Variants in RPS6KA1 observed in about 807,000 individuals in gnomAD.
The protein encoded by RPS6KA1 is ribosomal protein S6 kinase alpha-1.
Under a neutral mutation model 91.3 loss-of-function variants are expected in RPS6KA1, and 48 were observed. That is an observed-to-expected ratio of 0.53 (90% CI 0.42 to 0.67). RPS6KA1 has a LOEUF of 0.67. Among genes scored for constraint, RPS6KA1 ranks in the 30% least tolerant of loss-of-function variants. The pLI, the probability that RPS6KA1 is intolerant of heterozygous loss-of-function variation, is 0.00. For missense variants in RPS6KA1, 719 were observed against 960.5 expected, an observed-to-expected ratio of 0.75 and a Z score of 3.32; for synonymous variants, 359 against 384.7, an observed-to-expected ratio of 0.93 and a Z score of 0.78.
chr1:26,530,793 C>T (rs1446801243), intron 1 of RPS6KA1: 1 of 1,288,712 alleles, frequency 7.8e-7, no homozygotes, highest in East Asian at 5.6e-5. Flanking sequence ...AGTCCCTAAG[C>T]GTGCAGAAGG....
Position 26,571,827 on chromosome 1 carries a change from A to C in RPS6KA1, c.1753-22A>C. The C allele has an allele frequency of 6.2e-7, 1 of 1,603,510 alleles. No homozygotes were observed. The highest frequency in any genetic ancestry group is 8.5e-7 in the Non-Finnish European group (1 of 1,178,006). On this transcript the variant is annotated intron_variant, in intron 18 of 21. Coordinates refer to ENST00000374168, the MANE Select transcript of RPS6KA1 (RefSeq NM_002953.4). This position sits in a 1 kb window ranked among gnomAD's most constrained non-coding sequence, Gnocchi z 5.1. ...TTTCTACTGCCCCCCCAGACTGACC[A>C]CCTCCCCTGCCCTGTTGCCAGGTGC...
At chr1:26,572,869 A>G (rs541373862) in intron 20 of RPS6KA1, among the ~76,000 whole-genome samples, 1 of 152,350 alleles carries the variant, frequency 6.6e-6, no homozygotes, top group African/African-American at 2.4e-5. Flanking sequence ...ACTGAGGCTC[A>G]GAGAGTTGAA....
chr1:26,573,329 C>A lies in RPS6KA1; in HGVS notation c.2053C>A (p.Gln685Lys). The change falls in exon 21 of 22, where the codon CAG becomes AAG. Residue 685 changes from glutamine (Q) to lysine (K), a missense_variant. Physicochemically the swap from Gln to Lys is moderately conservative, Grantham distance 53. Transcript: ENST00000374168. ...CCAGAAAGACAAGCTTCCCCAAAGC[C>A]AGCTGTCCCACCAGGACCTACAGCT... ...VTQKDKLPQS[Q>K]LSHQDLQLVK... The A allele has an allele frequency of 6.2e-7, 1 of 1,614,228 alleles. No homozygotes were observed. Among genetic ancestry groups the A allele is most frequent in the East Asian group, 2.2e-5 (1 of 44,882 alleles).
rs1312493828 is a variant in RPS6KA1, at chr1:26,554,568, G to C, written c.614-28G>C. On this transcript the variant is annotated intron_variant, in intron 8 of 21. Transcript: ENST00000374168. The surrounding 1 kb of genome is among the most constrained non-coding windows in gnomAD (Gnocchi z 4.6). ...CAGCAAGGAAGGCAGGGGTCCTAAG[G>C]TGTGTCCTCCTGCCCTCCTTGCTGT... 6.3e-7 allele frequency: 1 copy of C among 1,598,602 alleles called. No individual in the cohort carries two copies. Among genetic ancestry groups the C allele is most frequent in the Non-Finnish European group, 8.6e-7 (1 of 1,169,154 alleles).
chr1:26,563,575 T>C lies in RPS6KA1; in HGVS notation c.1590+1912T>C, dbSNP rs546286526. Reference sequence around the variant, plus strand: ...GAGGAAAATTTGCATACAGTAGATTTCAAGGGTACATTCTGATGAATTTTG... The same window carrying C: ...GAGGAAAATTTGCATACAGTAGATTCCAAGGGTACATTCTGATGAATTTTG... On this transcript the variant is annotated intron_variant, in intron 17 of 21. Transcript: ENST00000374168. Among the ~76,000 whole-genome samples, 5 of 152,324 alleles carry C rather than the reference T, an allele frequency of 3.3e-5. No homozygotes were observed. In the East Asian group the frequency reaches 9.6e-4, roughly 29 times the overall value.
At chr1:26,532,868 G>A (rs2075878231) in intron 1 of RPS6KA1, among the ~76,000 whole-genome samples, 1 of 152,240 alleles carries the variant, frequency 6.6e-6, no homozygotes, top group African/African-American at 2.4e-5. Flanking sequence ...TGCTCTCTGA[G>A]GAAGAGGGAG....
intron 17 of RPS6KA1, among the ~76,000 whole-genome samples, chr1:26,563,438 G>C (rs2076171993): frequency 6.6e-6 from 1 of 151,896 alleles, no homozygotes; most frequent in African/African-American, 2.4e-5. Context: ...TGTTGCCCAG[G>C]CTGGTCTTGA....
At chr1:26,537,047 TC>T in intron 2 of RPS6KA1, 78 bp downstream of exon 2, 1 of 1,487,012 alleles carries the variant, frequency 6.7e-7, no homozygotes, top group Non-Finnish European at 9.4e-7. Context: ...GGTTGAGGGC[TC>T]CAGCCTCTAG....
chr1:26,560,950 A>G, intron 15 of RPS6KA1, 95 bp from the exon 16 acceptor site: 3 of 1,603,300 alleles, frequency 1.9e-6, no homozygotes, highest in South Asian at 1.1e-5. Context: ...GATGTATGAA[A>G]GGTGTGTGGC....
At chr1:26,560,282 T>G (rs1570451544) in intron 14 of RPS6KA1, among the ~76,000 whole-genome samples, 1 of 152,198 alleles carries the variant, frequency 6.6e-6, no homozygotes, top group South Asian at 2.1e-4. Flanking sequence ...TTGCTACGGC[T>G]AATGTCCCAG....
In RPS6KA1 at chr1:26,551,833, C is replaced by A; in HGVS notation, c.468+110C>A. The A allele has an allele frequency of 1.1e-6, 1 of 934,614 alleles. No individual in the cohort carries two copies. Among genetic ancestry groups the A allele is most frequent in the South Asian group, 1.4e-5 (1 of 73,384 alleles). 57.9% of individuals were successfully genotyped at this position (934,614 alleles called of 1,614,324 possible). A position where few individuals can be genotyped will look rare whatever the true frequency, so the allele number is the denominator to read the frequency against. ...TGTTTGGTATGGCTTGAACCTGGAA[C>A]CACCCAGGCCTGCCTAGCAGCCCCT... is the stretch of plus-strand genomic sequence containing the variant. On this transcript the variant is annotated intron_variant, in intron 6 of 21. Transcript: ENST00000374168. This position sits in a 1 kb window ranked among gnomAD's most constrained non-coding sequence, Gnocchi z 4.5.
rs1018112036 is a variant in RPS6KA1, at chr1:26,561,820, G to A, written c.1590+157G>A. 2.0e-5 allele frequency among the ~76,000 whole-genome samples: 3 copies of A among 152,128 alleles called. No individual in the cohort carries two copies. The highest frequency in any genetic ancestry group is 4.4e-5 in the Non-Finnish European group (3 of 68,026). On this transcript the variant is annotated intron_variant, in intron 17 of 21. Coordinates refer to ENST00000374168, the MANE Select transcript of RPS6KA1 (RefSeq NM_002953.4). The surrounding 1 kb of genome is among the most constrained non-coding windows in gnomAD (Gnocchi z 5.7). ...GGTGGATGCGTGCAAAGGAAGGAGG[G>A]AGAGATGTGGCCAATTGTGAAAGGG...
chr1:26,572,298 G>A lies in RPS6KA1; in HGVS notation c.1947+5G>A, dbSNP rs2076256211. On this transcript the variant is annotated splice_donor_5th_base_variant and intron_variant, in intron 20 of 21. Transcript: ENST00000374168. Reference sequence around the variant, plus strand: ...ACAGTTTCAGAGACAGCCAAGGTGAGTCTGTACGGCCTGCGTGGGCTTATT... The same window carrying A: ...ACAGTTTCAGAGACAGCCAAGGTGAATCTGTACGGCCTGCGTGGGCTTATT... 6.3e-7 allele frequency: 1 copy of A among 1,598,432 alleles called. No homozygotes were observed. The highest frequency in any genetic ancestry group is 8.6e-7 in the Non-Finnish European group (1 of 1,165,784).
At position 26,561,154 on chromosome 1, in the gene RPS6KA1, A is replaced by T; in HGVS notation, c.1431+20A>T. 6.3e-7 allele frequency: 1 copy of T among 1,597,712 alleles called. No homozygotes were observed. Among genetic ancestry groups the T allele is most frequent in the Non-Finnish European group, 8.6e-7 (1 of 1,165,428 alleles). ...AAAGATGTGAGTGGGGGTCCTTAAGACTGGGGTGGGGACCAGGAACTCAAC... is the reference window on the plus strand; with the variant it reads ...AAAGATGTGAGTGGGGGTCCTTAAGTCTGGGGTGGGGACCAGGAACTCAAC... On this transcript the variant is annotated intron_variant, in intron 16 of 21. Coordinates refer to ENST00000374168, the MANE Select transcript of RPS6KA1 (RefSeq NM_002953.4). This position sits in a 1 kb window ranked among gnomAD's most constrained non-coding sequence, Gnocchi z 5.7.
At chr1:26,530,660 C>G (rs1018493000) in intron 1 of RPS6KA1, 2 of 1,032,162 alleles carry the variant, frequency 1.9e-6, no homozygotes, top group Non-Finnish European at 2.5e-6. Flanking sequence ...TCTTATGCCC[C>G]TTCCGGTAGG....
At chr1:26,531,684 C>T (rs1463992111) in intron 1 of RPS6KA1, among the ~76,000 whole-genome samples, 1 of 152,178 alleles carries the variant, frequency 6.6e-6, no homozygotes, top group Non-Finnish European at 1.5e-5. Context: ...ACGCAATTTC[C>T]TCAGGAGCTT....
intron 2 of RPS6KA1, among the ~76,000 whole-genome samples, chr1:26,544,726 G>A (rs1008547816): frequency 6.6e-6 from 1 of 151,018 alleles, no homozygotes; most frequent in Non-Finnish European, 1.5e-5. Flanking sequence ...CACCTGCCTC[G>A]GCCTCCCAAA....
chr1:26,535,764 T>C (rs181338439), intron 1 of RPS6KA1, among the ~76,000 whole-genome samples: 5 of 152,218 alleles, frequency 3.3e-5, no homozygotes, highest in African/African-American at 1.2e-4. Context: ...TGTGTGACCA[T>C]AGGCATCATC....
chr1:26,574,254 G>A lies in RPS6KA1; in HGVS notation c.*53G>A. ...GGTGCTAGCTTGACACAGTCAGCAT[G>A]CTTCCCAGAGGGAGCAGGCCGGAAC... On this transcript the variant is annotated 3_prime_UTR_variant, in exon 22 of 22. Coordinates refer to ENST00000374168, the MANE Select transcript of RPS6KA1 (RefSeq NM_002953.4). This position sits in a 1 kb window ranked among gnomAD's most constrained non-coding sequence, Gnocchi z 4.3. The A allele has an allele frequency of 6.2e-7, 1 of 1,608,856 alleles. No individual in the cohort carries two copies. Among genetic ancestry groups the A allele is most frequent in the Non-Finnish European group, 8.5e-7 (1 of 1,175,566 alleles).
Sources: allele counts gnomAD v4.1 joint callset (sites outside exome capture counted in the v4.1 genomes callset), GRCh38; gene constraint gnomAD v4.1.1; non-coding constraint Gnocchi (gnomAD v3.1); transcripts MANE v1.5; gene names NCBI Gene and HGNC (gene_info 2026-07-23, HGNC 2026-07-21).